The following HUWE1 variants were observed in gnomAD, a reference collection of about 807,000 sequenced individuals.
HUWE1 encodes the protein HECT, UBA and WWE domain containing E3 ubiquitin protein ligase 1.
HUWE1 carries 18 observed loss-of-function variants against 299.4 expected under a neutral mutation model. The observed-to-expected ratio is 0.06, with a 90% confidence interval of 0.04 to 0.09. The LOEUF (loss-of-function observed/expected upper bound fraction) is 0.09. HUWE1 is among the 10% of genes least tolerant of loss of function. HUWE1 has a pLI of 1.00. For synonymous variants in HUWE1, 1,317 were observed against 1,286.1 expected (o/e 1.02, Z -0.51); for missense variants, 1,832 against 3,462.3 (o/e 0.53, Z 11.82).
chrX:53,641,620 T>C (rs2067597736), intron 7 of HUWE1, among the ~76,000 whole-genome samples: 1 of 111,862 alleles, frequency 8.9e-6, no homozygotes, highest in Non-Finnish European at 1.9e-5. Context: ...ATTATAGTTG[T>C]AGTTTATGTC....
At chrX:53,665,384 A>G (rs1366722154) in intron 3 of HUWE1, among the ~76,000 whole-genome samples, 1 of 112,512 alleles carries the variant, frequency 8.9e-6, no homozygotes, top group Non-Finnish European at 1.9e-5. Context: ...TCAGATTAAG[A>G]GTTTATGCTG....
intron 16 of HUWE1, 58 bp downstream of exon 16, chrX:53,627,681 C>T: frequency 9.2e-7 from 1 of 1,081,871 alleles, no homozygotes; most frequent in Non-Finnish European, 1.3e-6. Flanking sequence ...TCAGGACAAT[C>T]CTTAGGTTCA....
chrX:53,637,421 T>C (rs1323207516), intron 7 of HUWE1, among the ~76,000 whole-genome samples: 1 of 112,815 alleles, frequency 8.9e-6, no homozygotes, highest in East Asian at 2.8e-4. Flanking sequence ...TATAAAGGCT[T>C]GATGCTACAG....
intron 66 of HUWE1, among the ~76,000 whole-genome samples, chrX:53,550,071 G>A (rs962492325): frequency 1.1e-4 from 12 of 111,084 alleles, no homozygotes; most frequent in African/African-American, 1.6e-4. Context: ...CCATTTTTGA[G>A]ATGATAAACA....
intron 56 of HUWE1, among the ~76,000 whole-genome samples, chrX:53,559,973 G>A (rs782477491): frequency 1.8e-5 from 2 of 112,425 alleles, no homozygotes; most frequent in African/African-American, 6.5e-5. Context: ...AAATACATGC[G>A]CAGAACTATT....
At chrX:53,664,549 T>C (rs192011522) in intron 3 of HUWE1, among the ~76,000 whole-genome samples, 1 of 111,960 alleles carries the variant, frequency 8.9e-6, no homozygotes, top group East Asian at 2.8e-4. Context: ...ATGTTGCACG[T>C]AAGTACGGGA....
chrX:53,552,447 G>C lies in HUWE1; in HGVS notation c.8751-6C>G, dbSNP rs782245250. On this transcript the variant is annotated splice_polypyrimidine_tract_variant and splice_region_variant and intron_variant, in intron 62 of 83. Coordinates refer to ENST00000262854, the MANE Select transcript of HUWE1 (RefSeq NM_031407.7). ...CAGAGGATGCAGGTGGGGAGCTGAG[G>C]GAAATCATGCTCAGGTTGCTGTCTG... 4.1e-6 allele frequency: 5 copies of C among 1,210,406 alleles called. No individual in the cohort carries two copies. Among genetic ancestry groups the C allele is most frequent in the Non-Finnish European group, 3.4e-6 (3 of 894,653 alleles).
intron 19 of HUWE1, among the ~76,000 whole-genome samples, chrX:53,620,696 T>C (rs1262726484): frequency 1.8e-5 from 2 of 112,081 alleles, no homozygotes; most frequent in Non-Finnish European, 3.8e-5. Context: ...AAAAACACAA[T>C]TAGTGCTTCC....
At position 53,640,084 on chromosome X, in the gene HUWE1, G is replaced by A. The variant is rs782684813; in HGVS notation, c.504+5227C>T. Among the ~76,000 whole-genome samples the A allele has an allele frequency of 3.5e-4, 39 of 112,956 alleles. 1 individual carries two copies. In the South Asian group the frequency reaches 0.014, roughly 41 times the overall value. On this transcript the variant is annotated intron_variant, in intron 7 of 83. Transcript: ENST00000262854. ...ATTGTTAAAGAAGCCCACAAGGACA[G>A]GCAGTGGCTCACGCCTGTAATCCCA...
intron 2 of HUWE1, among the ~76,000 whole-genome samples, chrX:53,685,261 A>G (rs1477447364): frequency 8.9e-6 from 1 of 112,020 alleles, no homozygotes; most frequent in East Asian, 2.7e-4. Flanking sequence ...GAATCATAGT[A>G]AGTTCCAAAA....
At chrX:53,597,241 G>A (rs1298376476) in intron 29 of HUWE1, among the ~76,000 whole-genome samples, 2 of 109,066 alleles carry the variant, frequency 1.8e-5, no homozygotes, top group Admixed American at 2.0e-4. Context: ...ACAGGCAACA[G>A]ATAAGTTCCC....
chrX:53,684,203 G>T (rs781878947), intron 2 of HUWE1: 4 of 227,621 alleles, frequency 1.8e-5, no homozygotes, highest in Non-Finnish European at 3.2e-5. Context: ...CGCATGCGTT[G>T]AGAACTATCG....
chrX:53,596,839 T>C (rs781880678), intron 29 of HUWE1, among the ~76,000 whole-genome samples: 6 of 112,552 alleles, frequency 5.3e-5, no homozygotes, highest in Non-Finnish European at 1.1e-4. Flanking sequence ...GTTGAATTAT[T>C]TGATATGGAT....
rs1228305226 is a variant in HUWE1 at position 53,645,720 on chromosome X, G to GAAA, written c.352-260_352-258dup. On this transcript the variant is annotated intron_variant, in intron 6 of 83. Transcript: ENST00000262854. ...AGAGGGAGACTCTGTCTCAAAAAAA[G>GAAA]AAAAAAAAAAAAAAAAATATATATA... 4.9e-4 allele frequency among the ~76,000 whole-genome samples: 12 copies of GAAA among 24,422 alleles called. 1 individual carries two copies. Among genetic ancestry groups the GAAA allele is most frequent in the African/African-American group, 1.9e-3 (7 of 3,693 alleles). 21.2% of individuals were successfully genotyped at this position (24,422 alleles called of 115,157 possible).
At position 53,565,246 on chromosome X, in the gene HUWE1, TA is replaced by T. The variant is rs782414074; in HGVS notation, c.6708-8del. On this transcript the variant is annotated splice_polypyrimidine_tract_variant and splice_region_variant and intron_variant, in intron 49 of 83. Coordinates refer to ENST00000262854, the MANE Select transcript of HUWE1 (RefSeq NM_031407.7). ...TGTGTTGGCCATGTTGGGACTGAGATAAGGGAAGATAAAGAGATGGACTGAG... is the reference window on the plus strand; with the variant it reads ...TGTGTTGGCCATGTTGGGACTGAGATAGGGAAGATAAAGAGATGGACTGAG... The T allele has an allele frequency of 1.3e-5, 16 of 1,193,501 alleles. No homozygotes were observed. The highest frequency in any genetic ancestry group is 1.8e-5 in the Non-Finnish European group (16 of 882,769).
At chrX:53,641,583 C>T (rs782619905) in intron 7 of HUWE1, among the ~76,000 whole-genome samples, 2 of 111,656 alleles carry the variant, frequency 1.8e-5, no homozygotes, top group African/African-American at 6.5e-5. Context: ...TTTCTTCAAT[C>T]GGTGCAACAC....
At chrX:53,685,415 A>G (rs2070397102) in intron 2 of HUWE1, among the ~76,000 whole-genome samples, 1 of 112,255 alleles carries the variant, frequency 8.9e-6, no homozygotes, top group Non-Finnish European at 1.9e-5. Flanking sequence ...GTATTCGTCA[A>G]TAAAGTTTTA....
At chrX:53,618,838 TAGGCGTGA>T (rs1171799216) in intron 19 of HUWE1, among the ~76,000 whole-genome samples, 2 of 108,455 alleles carry the variant, frequency 1.8e-5, no homozygotes, top group East Asian at 5.7e-4. Context: ...ACTGGGATTA[TAGGCGTGA>T]GCCACCGTGC....
At chrX:53,630,255 C>T (rs1268074179) in intron 12 of HUWE1, among the ~76,000 whole-genome samples, 1 of 112,035 alleles carries the variant, frequency 8.9e-6, no homozygotes, top group Non-Finnish European at 1.9e-5. Flanking sequence ...CGCCAAGAAA[C>T]TCATAGTTTA....
Sources: gnomAD v4.1 joint callset for allele counts (sites outside exome capture counted in the v4.1 genomes callset) on GRCh38, gnomAD v4.1.1 for gene constraint, MANE v1.5 for transcripts, NCBI Gene and HGNC (gene_info 2026-07-23, HGNC 2026-07-21) for gene names.